Variants in CCDC38 observed in about 807,000 individuals in gnomAD.
The protein encoded by CCDC38 is coiled-coil domain-containing protein 38.
In CCDC38, 69 loss-of-function variants were observed where a neutral mutation model predicts 72.8. The ratio of observed to expected loss-of-function variants is 0.95; its 90% confidence interval spans 0.78 to 1.16. The LOEUF (loss-of-function observed/expected upper bound fraction) is 1.16. Among genes scored for constraint, CCDC38 ranks in the 50% most tolerant of loss-of-function variants. The pLI is 0.00. For missense variants in CCDC38, 626 were observed against 638.9 expected (o/e 0.98, Z 0.22); for synonymous variants, 201 against 213.2 (o/e 0.94, Z 0.50).
At chr12:95,904,192 A>G (rs1238734181) in intron 5 of CCDC38, among the ~76,000 whole-genome samples, 1 of 152,174 alleles carries the variant, frequency 6.6e-6, no homozygotes, top group African/African-American at 2.4e-5. Flanking sequence ...ATAATATGTC[A>G]ATGTTAATAA....
At chr12:95,872,638 A>G (rs981696618) in intron 13 of CCDC38, among the ~76,000 whole-genome samples, 178 bp from the exon 14 acceptor site, 1 of 152,144 alleles carries the variant, frequency 6.6e-6, no homozygotes, top group Non-Finnish European at 1.5e-5. Flanking sequence ...GCAGTGGTGC[A>G]ATCTCATCTC....
At position 95,879,654 on chromosome 12, in the gene CCDC38, GTA is replaced by G. The variant is rs2079676213; in HGVS notation, c.1130_1131del (p.Ile377ThrfsTer3). 1 of 1,587,740 alleles carries G rather than the reference GTA, an allele frequency of 6.3e-7. No homozygotes were observed. The highest frequency in any genetic ancestry group is 8.6e-7 in the Non-Finnish European group (1 of 1,159,558). On this transcript the variant is annotated frameshift_variant, in exon 12 of 16. Coordinates refer to ENST00000344280, the MANE Select transcript of CCDC38 (RefSeq NM_182496.3). LOFTEE classifies it high-confidence loss of function. This position sits in a 1 kb window ranked among gnomAD's most constrained non-coding sequence, Gnocchi z 5.5. Reference protein sequence around the residue: ...LEEVNKREKVIQDKTNSNIEF... With the variant: ...LEEVNKREKVXQDKTNSNIEF... The stretch of plus-strand genomic sequence containing the variant: ...TTTATAATGACTTACGTTTTATCCT[GTA>G]TAACTTTTTCTCTTTTGTTTACCTC...
intron 4 of CCDC38, among the ~76,000 whole-genome samples, chr12:95,916,598 A>G (rs2136717427): frequency 6.6e-6 from 1 of 152,130 alleles, no homozygotes; most frequent in South Asian, 2.1e-4. Flanking sequence ...CCTACTTGTC[A>G]TTTTTGATAA....
At chr12:95,903,810 A>G (rs2079974565) in intron 5 of CCDC38, 1 of 206,984 alleles carries the variant, frequency 4.8e-6, no homozygotes, top group South Asian at 1.3e-4. Flanking sequence ...GAATGTTTGC[A>G]TATTTGCTTA....
intron 1 of CCDC38, among the ~76,000 whole-genome samples, chr12:95,938,482 C>T (rs1303781564): frequency 6.6e-6 from 1 of 152,186 alleles, no homozygotes; most frequent in African/African-American, 2.4e-5. Context: ...GCATCTTTAT[C>T]CATGGGTTCA....
chr12:95,902,880 T>C (rs766666174), intron 5 of CCDC38, among the ~76,000 whole-genome samples: 15 of 152,146 alleles, frequency 9.9e-5, no homozygotes, highest in Non-Finnish European at 1.6e-4. Flanking sequence ...TGCATTTCCA[T>C]AAAAAATTTA....
At chr12:95,913,892 A>G (rs11615470) in intron 4 of CCDC38, among the ~76,000 whole-genome samples, 12,893 of 152,258 alleles carry the variant, frequency 0.085, 810 homozygotes, top group South Asian at 0.24. Flanking sequence ...AGAACTTCGA[A>G]TAAGTGACAG....
rs1269135425 is a variant in CCDC38 at position 95,898,708 on chromosome 12, G to T, written c.393C>A (p.Asn131Lys). The change falls in exon 6 of 16, where the codon AAC (asparagine) becomes AAA (lysine). Residue 131 changes from asparagine (N) to lysine (K), a missense_variant. Physicochemically the swap from Asn to Lys is moderately conservative, Grantham distance 94. Transcript: ENST00000344280. ...LLEYALSTKRNTIKKFEKDIA... is the reference protein window; with the variant it reads ...LLEYALSTKRKTIKKFEKDIA... ...TGTCTTTTTCAAACTTTTTGATTGT[G>T]TTTCTTTTGGTTGACAAAGCATACT... 1 of 1,613,540 alleles carries T rather than the reference G, an allele frequency of 6.2e-7. No homozygotes were observed. The highest frequency in any genetic ancestry group is 8.5e-7 in the Non-Finnish European group (1 of 1,179,894).
At position 95,881,751 on chromosome 12, in the gene CCDC38, T is replaced by C. The variant is rs545694438; in HGVS notation, c.921-197A>G. 5.9e-5 allele frequency among the ~76,000 whole-genome samples: 9 copies of C among 152,268 alleles called. No individual in the cohort carries two copies. In the South Asian group the frequency reaches 1.9e-3, roughly 32 times the overall value. ...ATATACAAAAGAAAATTGGATTCTG[T>C]CCCAGACACAGCTGACATACACAAA... On this transcript the variant is annotated intron_variant, in intron 10 of 15. Transcript: ENST00000344280.
At chr12:95,935,048 A>G (rs1445264466) in intron 2 of CCDC38, 1 of 152,172 alleles carries the variant, frequency 6.6e-6, no homozygotes. Context: ...TATAGTTTAC[A>G]TAACCAACCC....
At chr12:95,892,101 T>C (rs2079833581) in intron 8 of CCDC38, among the ~76,000 whole-genome samples, 1 of 149,212 alleles carries the variant, frequency 6.7e-6, no homozygotes, top group Admixed American at 6.7e-5. Context: ...TTTTTTTTTT[T>C]TGAGACGGAG....
At chr12:95,881,975 G>A (rs546587225) in intron 10 of CCDC38, among the ~76,000 whole-genome samples, 2 of 152,310 alleles carry the variant, frequency 1.3e-5, no homozygotes, top group East Asian at 3.9e-4. Flanking sequence ...CCTTCTGACT[G>A]TCCCCAAGTA....
chr12:95,925,767 T>C (rs1439906230), intron 2 of CCDC38, among the ~76,000 whole-genome samples: 2 of 151,994 alleles, frequency 1.3e-5, no homozygotes, highest in Non-Finnish European at 2.9e-5. Context: ...TTGAATTTTG[T>C]CAAAGGTCTT....
At chr12:95,876,346 A>G (rs1350701137) in intron 13 of CCDC38, among the ~76,000 whole-genome samples, 6 of 152,192 alleles carry the variant, frequency 3.9e-5, no homozygotes, top group Admixed American at 3.9e-4. Flanking sequence ...GCTTTGCAAG[A>G]TGAAGAGTTT....
intron 7 of CCDC38, among the ~76,000 whole-genome samples, chr12:95,896,364 G>A (rs2121471974): frequency 6.6e-6 from 1 of 152,244 alleles, no homozygotes; most frequent in South Asian, 2.1e-4. Flanking sequence ...ATTACAAAGT[G>A]GACAAAGAGG....
In CCDC38 at chr12:95,895,111, T is replaced by C. The variant is rs1230975484; in HGVS notation, c.650A>G (p.Tyr217Cys). 1.9e-6 allele frequency: 3 copies of C among 1,612,314 alleles called. No individual in the cohort carries two copies. Among genetic ancestry groups the C allele is most frequent in the Non-Finnish European group, 1.7e-6 (2 of 1,179,432 alleles). ...IAKTEFLLRE[Y>C]MKYGFFLLQM... ...CAGCAGAAAAAAACCATATTTCATA[T>C]ACTCCCTGAGGAGGAATTCTGTTTT... The change falls in exon 8 of 16, where the codon TAT becomes TGT. Residue 217 changes from tyrosine to cysteine, a missense_variant. Transcript: ENST00000344280.
chr12:95,927,029 A>G (rs11524547), intron 2 of CCDC38, among the ~76,000 whole-genome samples: 79,873 of 151,482 alleles, frequency 0.53, 21,731 homozygotes, highest in East Asian at 0.92. Flanking sequence ...TTGATTTGGG[A>G]TGGAGAGTTC....
intron 2 of CCDC38, among the ~76,000 whole-genome samples, chr12:95,922,182 A>G (rs1019337752): frequency 2.6e-5 from 4 of 152,244 alleles, no homozygotes; most frequent in Non-Finnish European, 5.9e-5. Context: ...AGAAAATTGC[A>G]GAGTGGAAGT....
chr12:95,872,454 G>T lies in CCDC38; in HGVS notation c.1285C>A (p.Leu429Met). The T allele has an allele frequency of 6.2e-7, 1 of 1,609,700 alleles. No individual in the cohort carries two copies. Among genetic ancestry groups the T allele is most frequent in the Non-Finnish European group, 8.5e-7 (1 of 1,176,056 alleles). Residue 429 changes from leucine (L) to methionine (M), a missense_variant, in exon 14 of 16, where the codon CTG becomes ATG. Coordinates refer to ENST00000344280, the MANE Select transcript of CCDC38 (RefSeq NM_182496.3). ...GEFNSDAQEILIDSLSKKITQ... is the reference protein window; with the variant it reads ...GEFNSDAQEIMIDSLSKKITQ... ...ATCTTTTTACTAAGTGAGTCTATCA[G>T]TATTTCCTGAGATTGAGAAGAGCAG...
Sources: gnomAD v4.1 joint callset for allele counts (sites outside exome capture counted in the v4.1 genomes callset) on GRCh38, gnomAD v4.1.1 for gene constraint, Gnocchi (gnomAD v3.1) non-coding constraint, MANE v1.5 for transcripts, NCBI Gene and HGNC (gene_info 2026-07-23, HGNC 2026-07-21) for gene names.